SLC25A26: variants seen among roughly 807,000 people sequenced by gnomAD.
SLC25A26 encodes the protein solute carrier family 25 member 26, also known as mitochondrial S-adenosylmethionine carrier protein.
SLC25A26 carries 36 observed loss-of-function variants against 37.8 expected under a neutral mutation model. The ratio of observed to expected loss-of-function variants is 0.95; its 90% CI spans 0.73 to 1.26. The LOEUF (loss-of-function observed/expected upper bound fraction) is 1.26. SLC25A26 is among the 50% of genes most tolerant of loss of function. The pLI is 0.00. For missense variants in SLC25A26, 390 were observed against 331.1 expected, an observed-to-expected ratio of 1.18 and a Z score of -1.38; for synonymous variants, 129 against 122.5, an observed-to-expected ratio of 1.05 and a Z score of -0.35.
chr3:66,223,120 GT>G (rs2071578169), intron 1 of SLC25A26, among the ~76,000 whole-genome samples: 1 of 152,218 alleles, frequency 6.6e-6, no homozygotes, highest in South Asian at 2.1e-4. Context: ...AGATAAAACA[GT>G]TGCAATGAAT....
At chr3:66,282,982 A>G (rs2074396731) in intron 5 of SLC25A26, among the ~76,000 whole-genome samples, 1 of 152,202 alleles carries the variant, frequency 6.6e-6, no homozygotes, top group African/African-American at 2.4e-5. Context: ...ACTCAGCGTA[A>G]TGCCTTTGAG....
At chr3:66,142,447 G>T (rs766103249) in intron 1 of SLC25A26, among the ~76,000 whole-genome samples, 4 of 152,160 alleles carry the variant, frequency 2.6e-5, no homozygotes, top group East Asian at 1.9e-4. Flanking sequence ...GACTATAAAA[G>T]AATTTTTTTT....
At chr3:66,176,353 C>T (rs903547137) in intron 1 of SLC25A26, among the ~76,000 whole-genome samples, 2 of 152,124 alleles carry the variant, frequency 1.3e-5, no homozygotes, top group African/African-American at 4.8e-5. Context: ...GAATGATGAA[C>T]GCTCTTGTAG....
chr3:66,325,677 G>A lies in SLC25A26; in HGVS notation c.454-20687G>A, dbSNP rs550494197. Among the ~76,000 whole-genome samples the A allele has an allele frequency of 1.1e-4, 16 of 152,296 alleles. No homozygotes were observed. In the South Asian group the frequency reaches 2.7e-3, roughly 26 times the overall value. On this transcript the variant is annotated intron_variant, in intron 5 of 9. Coordinates refer to ENST00000354883, the MANE Select transcript of SLC25A26 (RefSeq NM_001379210.1). ...AGCAGCCCAGGCAGAGGAATCATAT[G>A]TAAGAAGGCCCCGGAGATAAGGCCA...
chr3:66,341,564 T>TA (rs2076209942), intron 5 of SLC25A26, among the ~76,000 whole-genome samples: 1 of 152,198 alleles, frequency 6.6e-6, no homozygotes, highest in Admixed American at 6.5e-5. Flanking sequence ...TGTTTGGAGA[T>TA]ACTCCTAATG....
At chr3:66,369,611 G>T in intron 8 of SLC25A26, 69 bp downstream of exon 8, 1 of 1,330,142 alleles carries the variant, frequency 7.5e-7, no homozygotes, top group Non-Finnish European at 1.1e-6. Context: ...GACTACAGGT[G>T]TATAAAGTGA....
intron 1 of SLC25A26, among the ~76,000 whole-genome samples, chr3:66,137,582 A>T (rs948923064): frequency 7.9e-5 from 12 of 152,014 alleles, no homozygotes; most frequent in African/African-American, 2.9e-4. Flanking sequence ...AAAAAATTCT[A>T]TAGTTTATGA....
chr3:66,253,684 G>C (rs1168463015), intron 3 of SLC25A26, among the ~76,000 whole-genome samples: 1 of 152,124 alleles, frequency 6.6e-6, no homozygotes, highest in African/African-American at 2.4e-5. Flanking sequence ...CATACCTTCA[G>C]AATTATAGAT....
chr3:66,266,138 A>C (rs1173148674), intron 5 of SLC25A26, among the ~76,000 whole-genome samples: 4 of 149,238 alleles, frequency 2.7e-5, no homozygotes, highest in Non-Finnish European at 4.4e-5. Context: ...TTGGAGATTT[A>C]ATTGAGGTCT....
At chr3:66,147,074 C>T (rs2070126651) in intron 1 of SLC25A26, among the ~76,000 whole-genome samples, 1 of 22,006 alleles carries the variant, frequency 4.5e-5, no homozygotes, top group African/African-American at 1.9e-4. Flanking sequence ...CTCCCCTTCC[C>T]TTCCCTCCCC....
chr3:66,361,106 T>C (rs1225490079), intron 6 of SLC25A26, among the ~76,000 whole-genome samples: 1 of 152,202 alleles, frequency 6.6e-6, no homozygotes, highest in Non-Finnish European at 1.5e-5. Context: ...TGTGGACAAT[T>C]GATTTTTGAC....
chr3:66,245,739 A>T (rs1389369602), intron 3 of SLC25A26, among the ~76,000 whole-genome samples: 1 of 152,058 alleles, frequency 6.6e-6, no homozygotes, highest in Non-Finnish European at 1.5e-5. Context: ...TGAACTGGGG[A>T]TATGGAAAGA....
intron 1 of SLC25A26, among the ~76,000 whole-genome samples, chr3:66,144,463 C>T (rs2070084981): frequency 6.6e-6 from 1 of 152,112 alleles, no homozygotes; most frequent in Non-Finnish European, 1.5e-5. Context: ...CAGTTAGGGC[C>T]TAGATTTTGC....
intron 5 of SLC25A26, among the ~76,000 whole-genome samples, chr3:66,342,751 G>A (rs1332402026): frequency 1.3e-5 from 2 of 152,232 alleles, no homozygotes; most frequent in Non-Finnish European, 2.9e-5. Context: ...ATGCACTCTT[G>A]TATAGAATTA....
chr3:66,369,732 A>G (rs1001998481), intron 8 of SLC25A26, among the ~76,000 whole-genome samples, 190 bp downstream of exon 8: 4 of 152,200 alleles, frequency 2.6e-5, no homozygotes, highest in African/African-American at 7.2e-5. Context: ...ATATTGTACC[A>G]TTTCACAGTC....
chr3:66,365,657 C>A (rs541126932), intron 7 of SLC25A26, among the ~76,000 whole-genome samples: 158 of 152,050 alleles, frequency 1.0e-3, no homozygotes, highest in Non-Finnish European at 1.7e-3. Flanking sequence ...TGCGATCTCT[C>A]CATGGGTTTG....
intron 3 of SLC25A26, among the ~76,000 whole-genome samples, chr3:66,250,255 T>C (rs548417126): frequency 3.7e-4 from 56 of 152,362 alleles, no homozygotes; most frequent in Admixed American, 1.4e-3. Context: ...TACCTAGTGA[T>C]GTGGATTTAG....
intron 2 of SLC25A26, among the ~76,000 whole-genome samples, chr3:66,237,212 G>A (rs1487392411): frequency 1.3e-5 from 2 of 152,184 alleles, no homozygotes; most frequent in Admixed American, 6.5e-5. Context: ...GAAAAAAAAA[G>A]CAATCTTTTA....
chr3:66,209,901 TATATATATA>T lies in SLC25A26; in HGVS notation c.-353-10840_-353-10832del, dbSNP rs2071258366. On this transcript the variant is annotated intron_variant, in intron 1 of 10. Coordinates refer to the SLC25A26 transcript ENST00000676754. ...ACTCCTCTCTCTCTCTCTCTATTTA[TATATATATA>T]TATATATATATATATATATATATAT... is the stretch of plus-strand genomic sequence containing the variant. Among the ~76,000 whole-genome samples the T allele has an allele frequency of 7.6e-4, 11 of 14,484 alleles. 1 individual carries two copies. The highest frequency in any genetic ancestry group is 6.3e-3 in the South Asian group (2 of 316). 9.5% of individuals were successfully genotyped at this position (14,484 alleles called of 152,430 possible). A position where few individuals can be genotyped will look rare whatever the true frequency, so the allele number is the denominator to read the frequency against.
Sources: allele counts gnomAD v4.1 joint callset (sites outside exome capture counted in the v4.1 genomes callset), GRCh38; gene constraint gnomAD v4.1.1; transcripts MANE v1.5; gene names NCBI Gene and HGNC (gene_info 2026-07-23, HGNC 2026-07-21).